TCAIM: variants seen among roughly 807,000 people sequenced by gnomAD.
TCAIM encodes the protein T cell activation inhibitor, mitochondrial, also known as T-cell activation inhibitor, mitochondrial.
In TCAIM, 36 loss-of-function variants were observed where a neutral mutation model predicts 58.6. The observed-to-expected ratio is 0.61, with a 90% CI of 0.47 to 0.81. TCAIM has a LOEUF of 0.81. Ranked by LOEUF, TCAIM falls within the 30% of genes least tolerant of loss-of-function variation. TCAIM has a pLI of 0.00. For synonymous variants in TCAIM, 172 were observed against 193.6 expected (o/e 0.89, Z 0.93); for missense variants, 466 against 579.6 (o/e 0.80, Z 2.01).
chr3:44,398,976 TAGAA>T (rs765154204), intron 8 of TCAIM, among the ~76,000 whole-genome samples: 1 of 151,978 alleles, frequency 6.6e-6, no homozygotes, highest in South Asian at 2.1e-4. Flanking sequence ...AATAAAATGA[TAGAA>T]AGGAAGGAAA....
intron 5 of TCAIM, among the ~76,000 whole-genome samples, chr3:44,369,014 C>T (rs1701423034): frequency 6.6e-6 from 1 of 152,112 alleles, no homozygotes; most frequent in Non-Finnish European, 1.5e-5. Context: ...CAAAGTGAGA[C>T]CCTGTCTCCA....
intron 1 of TCAIM, among the ~76,000 whole-genome samples, chr3:44,350,588 C>T (rs945118572): frequency 2.6e-5 from 4 of 152,026 alleles, no homozygotes; most frequent in Non-Finnish European, 5.9e-5. Context: ...ACAACACTAC[C>T]CAGCTACTTT....
intron 1 of TCAIM, among the ~76,000 whole-genome samples, chr3:44,353,944 A>G (rs1328351400): frequency 2.0e-5 from 3 of 152,178 alleles, no homozygotes; most frequent in African/African-American, 7.2e-5. Context: ...AGTCCAGCTT[A>G]CCAGTTAAGC....
At chr3:44,364,586 C>T (rs1244329644) in intron 4 of TCAIM, among the ~76,000 whole-genome samples, 1 of 151,858 alleles carries the variant, frequency 6.6e-6, no homozygotes, top group Non-Finnish European at 1.5e-5. Context: ...ACTAAAAATA[C>T]AAAAAATTAA....
At position 44,407,661 on chromosome 3, in the gene TCAIM, G is replaced by A. The variant is rs749123088; in HGVS notation, c.1470G>A (p.Lys490=). Reference sequence around the variant, plus strand: ...ACCTTTGTATTCCTTGGAATTGGAAGAATGGAGAAGCCATTAAGTAACACA... The same window carrying A: ...ACCTTTGTATTCCTTGGAATTGGAAAAATGGAGAAGCCATTAAGTAACACA... The part of the protein sequence containing the change: ...DGDLCIPWNW[K]NGEAIK Residue 490 remains lysine (K), a synonymous_variant, in exon 11 of 11, where the codon AAG becomes AAA. Coordinates refer to ENST00000342649, the MANE Select transcript of TCAIM (RefSeq NM_173826.4). The A allele has an allele frequency of 6.2e-7, 1 of 1,603,244 alleles. No individual in the cohort carries two copies. Among genetic ancestry groups the A allele is most frequent in the African/African-American group, 1.3e-5 (1 of 74,534 alleles).
chr3:44,352,400 C>T (rs1470496205), intron 1 of TCAIM, among the ~76,000 whole-genome samples: 2 of 152,134 alleles, frequency 1.3e-5, no homozygotes, highest in Non-Finnish European at 2.9e-5. Context: ...TAAAGAGCTA[C>T]ATTATTGGAA....
At chr3:44,385,258 C>T (rs1701720561) in intron 5 of TCAIM, among the ~76,000 whole-genome samples, 1 of 152,106 alleles carries the variant, frequency 6.6e-6, no homozygotes, top group South Asian at 2.1e-4. Context: ...GTCATGTTTA[C>T]AGAAGATTGG....
At chr3:44,386,296 T>C (rs914803893) in intron 5 of TCAIM, among the ~76,000 whole-genome samples, 1 of 151,992 alleles carries the variant, frequency 6.6e-6, no homozygotes, top group African/African-American at 2.4e-5. Flanking sequence ...GGAGGATTGC[T>C]TGAGCCCAGG....
chr3:44,356,864 T>C (rs1234969857), intron 2 of TCAIM, among the ~76,000 whole-genome samples: 2 of 149,744 alleles, frequency 1.3e-5, no homozygotes, highest in Non-Finnish European at 3.0e-5. Context: ...TAGTCCCAGC[T>C]ACTCGGGAGG....
At chr3:44,392,818 AG>A (rs1701859726) in intron 5 of TCAIM, 36 bp from the exon 6 acceptor site, 4 of 1,574,352 alleles carry the variant, frequency 2.5e-6, no homozygotes, top group Non-Finnish European at 3.5e-6. Context: ...TGTATATTAT[AG>A]TTAGTATTGT....
chr3:44,383,184 C>A (rs180681214), intron 5 of TCAIM, among the ~76,000 whole-genome samples: 1 of 152,232 alleles, frequency 6.6e-6, no homozygotes, highest in African/African-American at 2.4e-5. Context: ...TATGGTGATT[C>A]CTCAAAAACT....
intron 1 of TCAIM, among the ~76,000 whole-genome samples, chr3:44,343,201 A>T (rs1400705782): frequency 1.3e-5 from 2 of 152,090 alleles, no homozygotes; most frequent in African/African-American, 4.8e-5. Context: ...TATGTTATTT[A>T]AGAGATGAGG....
At chr3:44,402,811 C>T (rs1288323866) in intron 10 of TCAIM, among the ~76,000 whole-genome samples, 1 of 151,928 alleles carries the variant, frequency 6.6e-6, no homozygotes, top group Non-Finnish European at 1.5e-5. Context: ...GGAGAGAATG[C>T]CATTCCACAT....
At position 44,396,419 on chromosome 3, in the gene TCAIM, A is replaced by G; in HGVS notation, c.715A>G (p.Ile239Val). ...SDIRWQRSWG[I>V]AHRCSQLHSL... is the part of the protein sequence containing the mutation. Reference sequence around the variant, plus strand: ...GCCTAGGTGGCAGAGGAGCTGGGGCATCGCCCACCGCTGTAGCCAGCTGCA... The same window carrying G: ...GCCTAGGTGGCAGAGGAGCTGGGGCGTCGCCCACCGCTGTAGCCAGCTGCA... Residue 239 changes from isoleucine (I) to valine (V), a missense_variant, in exon 7 of 11, where the codon ATC becomes GTC. Ile to Val is a conservative substitution (Grantham distance 29). Coordinates refer to ENST00000342649, the MANE Select transcript of TCAIM (RefSeq NM_173826.4). 1.2e-6 allele frequency: 2 copies of G among 1,613,486 alleles called. No homozygotes were observed. Among genetic ancestry groups the G allele is most frequent in the Non-Finnish European group, 1.7e-6 (2 of 1,179,834 alleles).
At chr3:44,393,587 A>G (rs1453583750) in intron 6 of TCAIM, among the ~76,000 whole-genome samples, 2 of 152,182 alleles carry the variant, frequency 1.3e-5, no homozygotes, top group Non-Finnish European at 2.9e-5. Flanking sequence ...ACCCTCTTCC[A>G]TATACACATA....
chr3:44,377,971 A>C (rs958584487), intron 5 of TCAIM, among the ~76,000 whole-genome samples: 11 of 152,254 alleles, frequency 7.2e-5, no homozygotes, highest in Admixed American at 7.2e-4. Flanking sequence ...GAGCTTTTGC[A>C]CAGCAAAAGA....
intron 10 of TCAIM, among the ~76,000 whole-genome samples, chr3:44,402,777 A>G (rs1419606635): frequency 6.6e-6 from 1 of 152,100 alleles, no homozygotes; most frequent in Non-Finnish European, 1.5e-5. Context: ...AGGGAAGGCA[A>G]CAGCAGGGAA....
chr3:44,365,517 G>A (rs745790869), intron 4 of TCAIM, among the ~76,000 whole-genome samples: 6 of 151,968 alleles, frequency 3.9e-5, no homozygotes, highest in Admixed American at 1.3e-4. Flanking sequence ...TAGTAGAGAC[G>A]GAGTTTCACC....
At chr3:44,401,786 T>C (rs932701282) in intron 10 of TCAIM, among the ~76,000 whole-genome samples, 4 of 152,170 alleles carry the variant, frequency 2.6e-5, no homozygotes, top group African/African-American at 9.7e-5. Context: ...ATCCCAGCAC[T>C]TGGGGAGGCC....
Sources: allele counts gnomAD v4.1 joint callset (sites outside exome capture counted in the v4.1 genomes callset), GRCh38; gene constraint gnomAD v4.1.1; transcripts MANE v1.5; gene names NCBI Gene and HGNC (gene_info 2026-07-23, HGNC 2026-07-21).